The following FAM120C variants were observed in gnomAD, a reference collection of about 807,000 sequenced individuals.
FAM120C encodes constitutive coactivator of PPAR-gamma-like protein 2.
In FAM120C, 14 loss-of-function variants were observed where a neutral mutation model predicts 71.2. That is an observed-to-expected ratio of 0.20 (90% CI 0.13 to 0.31). The LOEUF (loss-of-function observed/expected upper bound fraction) is 0.31. FAM120C is among the 10% of genes least tolerant of loss of function. The pLI, the probability that FAM120C is intolerant of heterozygous loss-of-function variation, is 1.00. For synonymous variants in FAM120C, 354 were observed against 353.2 expected (o/e 1.00, Z -0.03); for missense variants, 500 against 879.0 (o/e 0.57, Z 5.45).
chrX:54,172,868 C>G (rs782451990), intron 1 of FAM120C, among the ~76,000 whole-genome samples: 2 of 112,109 alleles, frequency 1.8e-5, no homozygotes, highest in Non-Finnish European at 3.8e-5. Flanking sequence ...CCACTGGCTA[C>G]GTATACAGCT....
Position 54,103,677 on chromosome X carries a change from T to C in FAM120C, c.2313-12251A>G. Among the ~76,000 whole-genome samples, 3 of 111,802 alleles carry C rather than the reference T, an allele frequency of 2.7e-5. No individual in the cohort carries two copies. The Middle Eastern group carries it at 0.014, about 520-fold the overall frequency. On this transcript the variant is annotated intron_variant, in intron 10 of 15. Coordinates refer to ENST00000375180, the MANE Select transcript of FAM120C (RefSeq NM_017848.6). ...TTATCTGCTCTAAAACAATGAGCTG[T>C]CAATTTTTGTGATAATACTACATTA...
At position 54,136,472 on chromosome X, in the gene FAM120C, G is replaced by A. The variant is rs375976452; in HGVS notation, c.1258+19C>T. 17 of 1,155,218 alleles carry A rather than the reference G, an allele frequency of 1.5e-5. No individual in the cohort carries two copies. The highest frequency in any genetic ancestry group is 1.8e-5 in the Non-Finnish European group (15 of 845,506). ...TTCCCCTATGAACAGAGCAGCTTAG[G>A]GTCAGATGGAAGCCTTACCTAGAAA... is the stretch of plus-strand genomic sequence containing the variant. On this transcript the variant is annotated intron_variant, in intron 5 of 15. Coordinates refer to ENST00000375180, the MANE Select transcript of FAM120C (RefSeq NM_017848.6).
At chrX:54,150,100 T>A (rs782428768) in intron 4 of FAM120C, among the ~76,000 whole-genome samples, 1 of 111,800 alleles carries the variant, frequency 8.9e-6, no homozygotes, top group South Asian at 3.7e-4. Context: ...AACTCCTTTA[T>A]GTTAAGATAC....
At chrX:54,162,742 C>A (rs1173144240) in intron 1 of FAM120C, among the ~76,000 whole-genome samples, 1 of 111,873 alleles carries the variant, frequency 8.9e-6, no homozygotes, top group Non-Finnish European at 1.9e-5. Context: ...CAATTAAGTA[C>A]CTACTATGTA....
At chrX:54,104,096 T>A (rs1170518999) in intron 10 of FAM120C, among the ~76,000 whole-genome samples, 4 of 112,105 alleles carry the variant, frequency 3.6e-5, no homozygotes. Context: ...GATATTTGAA[T>A]GAATTTTTGC....
At chrX:54,110,069 T>C (rs781811077) in intron 10 of FAM120C, among the ~76,000 whole-genome samples, 1 of 81,232 alleles carries the variant, frequency 1.2e-5, no homozygotes, top group South Asian at 8.2e-4. Flanking sequence ...CAGGCTGGAG[T>C]GTAGTGGCGC....
chrX:54,157,417 G>A, intron 3 of FAM120C, among the ~76,000 whole-genome samples: 1 of 110,576 alleles, frequency 9.0e-6, no homozygotes, highest in Non-Finnish European at 1.9e-5. Context: ...ACTACGCTCA[G>A]CTAATTTTTG....
chrX:54,078,935 G>A (rs1359390494), intron 15 of FAM120C, among the ~76,000 whole-genome samples: 1 of 108,405 alleles, frequency 9.2e-6, no homozygotes, highest in Non-Finnish European at 1.9e-5. Flanking sequence ...GAGGCTGGAG[G>A]ATCACTTGAG....
intron 9 of FAM120C, among the ~76,000 whole-genome samples, chrX:54,129,867 A>T (rs1487492981): frequency 4.5e-5 from 5 of 110,922 alleles, no homozygotes; most frequent in African/African-American, 1.6e-4. Flanking sequence ...AAAAAATATG[A>T]AAACCAGTCA....
chrX:54,076,546 C>T (rs1475757466), intron 15 of FAM120C, among the ~76,000 whole-genome samples: 3 of 110,719 alleles, frequency 2.7e-5, no homozygotes, highest in Admixed American at 1.9e-4. Flanking sequence ...GAGAAGATGG[C>T]TTGCTATAAA....
intron 10 of FAM120C, among the ~76,000 whole-genome samples, chrX:54,103,972 G>C (rs1261273877): frequency 1.8e-5 from 2 of 111,940 alleles, no homozygotes; most frequent in Middle Eastern, 4.2e-3. Flanking sequence ...ATAGCTGAGA[G>C]TGAATCCACT....
intron 1 of FAM120C, among the ~76,000 whole-genome samples, chrX:54,172,928 T>C (rs1054324845): frequency 6.2e-5 from 7 of 112,525 alleles, no homozygotes; most frequent in Admixed American, 5.7e-4. Flanking sequence ...AACCAGCTGC[T>C]ATGTAAATCT....
intron 10 of FAM120C, among the ~76,000 whole-genome samples, chrX:54,109,512 G>A (rs1215887222): frequency 9.2e-6 from 1 of 108,997 alleles, no homozygotes; most frequent in African/African-American, 3.3e-5. Context: ...CTACTTGGGA[G>A]GCCGAGGTGG....
Position 54,087,785 on chromosome X carries a change from T to C in FAM120C, c.2607A>G (p.Arg869=), listed in dbSNP as rs2066802470. The C allele has an allele frequency of 7.4e-6, 9 of 1,208,936 alleles. No homozygotes were observed. Among genetic ancestry groups the C allele is most frequent in the Non-Finnish European group, 1.0e-5 (9 of 895,064 alleles). The change falls in exon 12 of 16, where the codon CGA becomes CGG. Residue 869 remains arginine, a synonymous_variant. Transcript: ENST00000375180. The part of the protein sequence containing the change: ...QSKLIKAGRE[R]VSLVELCDGQ... ...CATCACAGAGCTCAACCAGAGATAC[T>C]CGCTCTCGGCCTGCTTTAATTAGCT...
At position 54,134,871 on chromosome X, in the gene FAM120C, A is replaced by C; in HGVS notation, c.1576T>G (p.Ser526Ala). The C allele has an allele frequency of 8.3e-7, 1 of 1,211,395 alleles. No individual in the cohort carries two copies. The highest frequency in any genetic ancestry group is 3.0e-5 in the East Asian group (1 of 33,832). Reference sequence around the variant, plus strand: ...TTTGGCTCATCACCATCAGAGGAAGAGGAGTGGGAAGAGTCTGGTCCCAAA... The same window carrying C: ...TTTGGCTCATCACCATCAGAGGAAGCGGAGTGGGAAGAGTCTGGTCCCAAA... ...PPLGPDSSHSSSSDGDEPNGA... is the reference protein window; with the variant it reads ...PPLGPDSSHSASSDGDEPNGA... The change falls in exon 7 of 16, where the codon TCT becomes GCT. Residue 526 changes from serine to alanine, a missense_variant. This residue lies in a region of FAM120C where 85 missense variants were observed against 84.9 expected (regional missense o/e 1.00). Coordinates refer to ENST00000375180, the MANE Select transcript of FAM120C (RefSeq NM_017848.6).
chrX:54,135,207 T>A, intron 6 of FAM120C, 96 bp from the exon 7 acceptor site: 1 of 847,520 alleles, frequency 1.2e-6, no homozygotes, highest in Non-Finnish European at 1.6e-6. Context: ...ATGCCAGCAG[T>A]GGAGATTGTT....
intron 9 of FAM120C, among the ~76,000 whole-genome samples, chrX:54,124,614 T>C (rs1159302433): frequency 2.0e-5 from 2 of 99,309 alleles, no homozygotes; most frequent in African/African-American, 3.7e-5. Context: ...CTGCGCCCAC[T>C]GTCTGGCACT....
rs1212604518 is a variant in FAM120C, at chrX:54,105,689, G to A, written c.2312+10856C>T. 2.7e-5 allele frequency among the ~76,000 whole-genome samples: 3 copies of A among 112,031 alleles called. No homozygotes were observed. In the East Asian group the frequency reaches 8.4e-4, roughly 31 times the overall value. ...CATCTCAGCCCCAAAATCTCCTTAA[G>A]CTGATAAGCAACTTCAGCAAAGTCT... is the stretch of plus-strand genomic sequence containing the variant. On this transcript the variant is annotated intron_variant, in intron 10 of 15. Transcript: ENST00000375180.
chrX:54,155,619 T>C (rs782076026), intron 3 of FAM120C, among the ~76,000 whole-genome samples: 2 of 108,418 alleles, frequency 1.8e-5, no homozygotes, highest in Non-Finnish European at 3.8e-5. Flanking sequence ...AGAAGAAATA[T>C]AGAGCAGTAG....
Sources: allele counts gnomAD v4.1 joint callset (sites outside exome capture counted in the v4.1 genomes callset), GRCh38; gene constraint gnomAD v4.1.1; regional missense constraint gnomAD v4.1.1; transcripts MANE v1.5; gene names NCBI Gene and HGNC (gene_info 2026-07-23, HGNC 2026-07-21).